PLN: variants seen among roughly 807,000 people sequenced by gnomAD.
PLN encodes the protein phospholamban.
Under a neutral mutation model 3.9 loss-of-function variants are expected in PLN, and 1 was observed. The ratio of observed to expected loss-of-function variants is 0.26; its 90% confidence interval spans 0.09 to 1.23. The LOEUF (loss-of-function observed/expected upper bound fraction) is 1.23. Ranked by LOEUF, PLN falls within the 50% of genes most tolerant of loss-of-function variation. The pLI, the probability that PLN is intolerant of heterozygous loss-of-function variation, is 0.48. For synonymous variants in PLN, 21 were observed against 20.5 expected (o/e 1.02, Z -0.07); for missense variants, 59 against 62.7 (o/e 0.94, Z 0.20).
At chr6:118,548,824 C>T (rs1002959778) in intron 1 of PLN, among the ~76,000 whole-genome samples, 1 of 152,000 alleles carries the variant, frequency 6.6e-6, no homozygotes, top group Non-Finnish European at 1.5e-5. Context: ...TACATCTGAA[C>T]TAATATGAAT....
intron 1 of PLN, among the ~76,000 whole-genome samples, chr6:118,553,943 C>A (rs1454511966): frequency 6.6e-6 from 1 of 152,140 alleles, no homozygotes; most frequent in African/African-American, 2.4e-5. Context: ...GCTTACATGT[C>A]CAACTAACAA....
rs376057732 is a variant in PLN at position 118,555,320 on chromosome 6, C to T, written c.-97-3505C>T. Among the ~76,000 whole-genome samples the T allele has an allele frequency of 2.0e-3, 308 of 150,248 alleles. 11 individuals carry two copies. In the South Asian group the frequency reaches 0.062, roughly 30 times the overall value. ...GCGGGCACCTGTAGTCCCAGCTACT[C>T]GGGAGGCTAAGGCAGGAGAATGGCG... On this transcript the variant is annotated intron_variant, in intron 1 of 1. Transcript: ENST00000357525.
intron 1 of PLN, among the ~76,000 whole-genome samples, chr6:118,556,624 T>C (rs1426407815): frequency 6.6e-6 from 1 of 152,210 alleles, no homozygotes; most frequent in Admixed American, 6.5e-5. Flanking sequence ...CAGGTTGAGA[T>C]GGGCTTTTAT....
chr6:118,559,207 G>C lies in PLN; in HGVS notation c.*127G>C. The C allele has an allele frequency of 2.5e-6, 2 of 804,586 alleles. No individual in the cohort carries two copies. Among genetic ancestry groups the C allele is most frequent in the East Asian group, 4.9e-5 (2 of 41,094 alleles). The allele number at this position is 804,586 out of a possible 1,614,324, so 49.8% of individuals were successfully genotyped here. ...AGTAGAAGAGTTTCTTTGTGAAAAGGTCAAGATTAAGACTAAAACTTATTG... is the reference window on the plus strand; with the variant it reads ...AGTAGAAGAGTTTCTTTGTGAAAAGCTCAAGATTAAGACTAAAACTTATTG... On this transcript the variant is annotated 3_prime_UTR_variant, in exon 2 of 2. Transcript: ENST00000357525.
intron 1 of PLN, among the ~76,000 whole-genome samples, chr6:118,557,790 T>C (rs1778965235): frequency 6.6e-6 from 1 of 152,184 alleles, no homozygotes; most frequent in African/African-American, 2.4e-5. Flanking sequence ...CAATAAACGC[T>C]ATGGCACAAA....
rs1779122572 is a variant in PLN, at chr6:118,559,896, A to T, written c.*816A>T. 1 of 167,002 alleles carries T rather than the reference A, an allele frequency of 6.0e-6. No homozygotes were observed. The highest frequency in any genetic ancestry group is 1.5e-5 in the Non-Finnish European group (1 of 68,120). 10.3% of individuals were successfully genotyped at this position (167,002 alleles called of 1,614,324 possible). A position where few individuals can be genotyped will look rare whatever the true frequency, so the allele number is the denominator to read the frequency against. On this transcript the variant is annotated 3_prime_UTR_variant, in exon 2 of 2. Coordinates refer to ENST00000357525, the MANE Select transcript of PLN (RefSeq NM_002667.5). Reference sequence around the variant, plus strand: ...ATACTAACAACAGAATCTAATCTTCATTTAAGGCACTGTAGTGAATTATCT... The same window carrying T: ...ATACTAACAACAGAATCTAATCTTCTTTTAAGGCACTGTAGTGAATTATCT...
intron 1 of PLN, among the ~76,000 whole-genome samples, 198 bp from the exon 2 acceptor site, chr6:118,558,621 GCACATA>G (rs1367693024): frequency 3.1e-3 from 185 of 60,044 alleles, no homozygotes; most frequent in African/African-American, 9.1e-3. Context: ...AGAAACACGT[GCACATA>G]CACACACACA....
chr6:118,551,167 T>C (rs1046295541), intron 1 of PLN, among the ~76,000 whole-genome samples: 1 of 151,900 alleles, frequency 6.6e-6, no homozygotes, highest in Non-Finnish European at 1.5e-5. Context: ...GTAGTCTCTT[T>C]GTACAATTTC....
chr6:118,552,333 T>C (rs552150651), intron 1 of PLN, among the ~76,000 whole-genome samples: 2 of 152,190 alleles, frequency 1.3e-5, no homozygotes, highest in South Asian at 2.1e-4. Context: ...GTGAACATAC[T>C]TAAAGTATAG....
At chr6:118,550,794 A>G (rs1447025114) in intron 1 of PLN, among the ~76,000 whole-genome samples, 1 of 151,938 alleles carries the variant, frequency 6.6e-6, no homozygotes, top group East Asian at 1.9e-4. Flanking sequence ...AAATTCAGAG[A>G]ATACAAACTT....
intron 1 of PLN, among the ~76,000 whole-genome samples, chr6:118,549,483 T>G (rs1028344575): frequency 4.0e-5 from 6 of 151,854 alleles, no homozygotes; most frequent in African/African-American, 1.4e-4. Flanking sequence ...TTCATATATA[T>G]GTTAAAATAA....
At chr6:118,558,590 G>C (rs373940496) in intron 1 of PLN, among the ~76,000 whole-genome samples, 1 of 150,472 alleles carries the variant, frequency 6.6e-6, no homozygotes, top group Non-Finnish European at 1.5e-5. Context: ...CAAAAAAGGA[G>C]AGAAAGAGAG....
In PLN at chr6:118,559,144, A is replaced by G; in HGVS notation, c.*64A>G. 1.7e-6 allele frequency: 2 copies of G among 1,209,150 alleles called. No individual in the cohort carries two copies. The highest frequency in any genetic ancestry group is 2.5e-6 in the Non-Finnish European group (2 of 810,280). 74.9% of individuals were successfully genotyped at this position (1,209,150 alleles called of 1,614,324 possible). A position where few individuals can be genotyped will look rare whatever the true frequency, so the allele number is the denominator to read the frequency against. The stretch of plus-strand genomic sequence containing the variant: ...CAGCTTAAAATCTGTCATCCCATGC[A>G]GACAGGAAAACAATATTGTATAACA... On this transcript the variant is annotated 3_prime_UTR_variant, in exon 2 of 2. Coordinates refer to ENST00000357525, the MANE Select transcript of PLN (RefSeq NM_002667.5).
chr6:118,551,102 A>C (rs564691914), intron 1 of PLN, among the ~76,000 whole-genome samples: 11 of 152,020 alleles, frequency 7.2e-5, no homozygotes, highest in African/African-American at 2.6e-4. Flanking sequence ...ACATCTCCTC[A>C]AAACTTTCAC....
intron 1 of PLN, among the ~76,000 whole-genome samples, chr6:118,558,446 G>A (rs1021138674): frequency 2.0e-5 from 3 of 151,970 alleles, no homozygotes; most frequent in South Asian, 2.1e-4. Context: ...GTTGTTTTGC[G>A]TAAAGTCATG....
At position 118,560,439 on chromosome 6, in the gene PLN, C is replaced by T. The variant is rs1009017393; in HGVS notation, c.*1359C>T. On this transcript the variant is annotated 3_prime_UTR_variant, in exon 2 of 2. Coordinates refer to ENST00000357525, the MANE Select transcript of PLN (RefSeq NM_002667.5). ...GTGGGTCAACATAAAAGTCTTCATT[C>T]TCATTGTCTTCACATTGAGTAGGCA... The T allele has an allele frequency of 1.8e-5, 3 of 166,874 alleles. No individual in the cohort carries two copies. The highest frequency in any genetic ancestry group is 6.6e-5 in the Admixed American group (1 of 15,258). The allele number at this position is 166,874 out of a possible 1,614,324, so 10.3% of individuals were successfully genotyped here. A position where few individuals can be genotyped will look rare whatever the true frequency, so the allele number is the denominator to read the frequency against.
In PLN at chr6:118,559,410, C is replaced by A; in HGVS notation, c.*330C>A. 1 of 348,282 alleles carries A rather than the reference C, an allele frequency of 2.9e-6. No homozygotes were observed. Among genetic ancestry groups the A allele is most frequent in the South Asian group, 2.8e-5 (1 of 36,350 alleles). The allele number at this position is 348,282 out of a possible 1,614,324, so 21.6% of individuals were successfully genotyped here. A position where few individuals can be genotyped will look rare whatever the true frequency, so the allele number is the denominator to read the frequency against. On this transcript the variant is annotated 3_prime_UTR_variant, in exon 2 of 2. Transcript: ENST00000357525. Reference sequence around the variant, plus strand: ...TTTAGTTTTAAAACTGCACTGCCAACAAGTTCACTTCATATATAAAGCATT... The same window carrying A: ...TTTAGTTTTAAAACTGCACTGCCAAAAAGTTCACTTCATATATAAAGCATT...
chr6:118,557,777 T>C (rs1778964142), intron 1 of PLN, among the ~76,000 whole-genome samples: 3 of 152,126 alleles, frequency 2.0e-5, no homozygotes, highest in Admixed American at 2.0e-4. Context: ...TACAAATGCA[T>C]GACAATAAAC....
At position 118,548,316 on chromosome 6, in the gene PLN, A is replaced by G. The variant is rs1330168339; in HGVS notation, c.-174A>G. ...TTCCCATAAACTGGGTGACAGAGTC[A>G]GAAAACTCCCCAGCTAAACACCCGT... is the stretch of plus-strand genomic sequence containing the variant. On this transcript the variant is annotated 5_prime_UTR_variant, in exon 1 of 2. Transcript: ENST00000357525. 6.6e-6 allele frequency: 1 copy of G among 152,150 alleles called. No individual in the cohort carries two copies. Among genetic ancestry groups the G allele is most frequent in the Non-Finnish European group, 1.5e-5 (1 of 67,980 alleles). The allele number at this position is 152,150 out of a possible 1,614,324, so 9.4% of individuals were successfully genotyped here.
Sources: gnomAD v4.1 joint callset for allele counts (sites outside exome capture counted in the v4.1 genomes callset) on GRCh38, gnomAD v4.1.1 for gene constraint, MANE v1.5 for transcripts, NCBI Gene and HGNC (gene_info 2026-07-23, HGNC 2026-07-21) for gene names.